Variants in NTPCR observed in about 807,000 individuals in gnomAD.
NTPCR encodes the protein cancer-related nucleoside-triphosphatase.
In NTPCR, 15 loss-of-function variants were observed where a neutral mutation model predicts 19.5. The ratio of observed to expected loss-of-function variants is 0.77; its 90% CI spans 0.51 to 1.18. The LOEUF (loss-of-function observed/expected upper bound fraction) is 1.18. Ranked by LOEUF, NTPCR falls within the 50% of genes most tolerant of loss-of-function variation. The probability of loss-of-function intolerance (pLI) is 0.00; values close to 1 mark genes in which losing one functional copy is unlikely to be tolerated. For missense variants in NTPCR, 206 were observed against 240.4 expected (o/e 0.86, Z 0.95); for synonymous variants, 90 against 95.8 (o/e 0.94, Z 0.36).
At chr1:232,961,188 A>C (rs1396496272) in intron 3 of NTPCR, among the ~76,000 whole-genome samples, 2 of 152,200 alleles carry the variant, frequency 1.3e-5, no homozygotes, top group East Asian at 3.8e-4. Context: ...AGTGTTGAGC[A>C]TTCAGGTTCC....
rs1669323839 is a variant in NTPCR at position 232,983,103 on chromosome 1, C to G, written c.*4872C>G. ...AAAATTAGAAAAGCATTACCATTTA[C>G]TTTCCAAGGGGCAAGAGATTCTCTA... On this transcript the variant is annotated 3_prime_UTR_variant, in exon 5 of 5. Transcript: ENST00000366628. 1 of 152,170 alleles carries G rather than the reference C, an allele frequency of 6.6e-6. No individual in the cohort carries two copies. Among genetic ancestry groups the G allele is most frequent in the Non-Finnish European group, 1.5e-5 (1 of 68,022 alleles). The allele number at this position is 152,170 out of a possible 1,614,324, so 9.4% of individuals were successfully genotyped here. A position where few individuals can be genotyped will look rare whatever the true frequency, so the allele number is the denominator to read the frequency against.
chr1:232,978,439 T>C lies in NTPCR; in HGVS notation c.*208T>C, dbSNP rs771876618. 14 of 497,240 alleles carry C rather than the reference T, an allele frequency of 2.8e-5. No homozygotes were observed. Among genetic ancestry groups the C allele is most frequent in the Non-Finnish European group, 4.7e-5 (13 of 279,222 alleles). The allele number at this position is 497,240 out of a possible 1,614,324, so 30.8% of individuals were successfully genotyped here. ...TCTGTACAAGATTAACTATCCATTG[T>C]GGCTTATCTATGCTTAAAGATTTCT... On this transcript the variant is annotated 3_prime_UTR_variant, in exon 5 of 5. Transcript: ENST00000366628.
At position 232,979,214 on chromosome 1, in the gene NTPCR, A is replaced by G. The variant is rs1669225137; in HGVS notation, c.*983A>G. The G allele has an allele frequency of 6.6e-6, 1 of 152,214 alleles. No homozygotes were observed. The highest frequency in any genetic ancestry group is 2.1e-4 in the South Asian group (1 of 4,836). The allele number at this position is 152,214 out of a possible 1,614,324, so 9.4% of individuals were successfully genotyped here. A position where few individuals can be genotyped will look rare whatever the true frequency, so the allele number is the denominator to read the frequency against. On this transcript the variant is annotated 3_prime_UTR_variant, in exon 5 of 5. Transcript: ENST00000366628. The surrounding 1 kb of genome is among the most constrained non-coding windows in gnomAD (Gnocchi z 5.3). ...AACTTCCCTCCAAGTGGTAGATGGT[A>G]CTGGAGTGATAAACAGTTCAGTGTT...
intron 3 of NTPCR, chr1:232,963,145 C>T (rs1484159426): frequency 6.6e-6 from 1 of 152,136 alleles, no homozygotes; most frequent in Admixed American, 6.5e-5. Context: ...GCAGGATCAG[C>T]CAGGGAAATT....
At position 232,981,610 on chromosome 1, in the gene NTPCR, GAATC is replaced by G. The variant is rs1196353113; in HGVS notation, c.*3383_*3386del. On this transcript the variant is annotated 3_prime_UTR_variant, in exon 5 of 5. Coordinates refer to ENST00000366628, the MANE Select transcript of NTPCR (RefSeq NM_032324.3). Reference sequence around the variant, plus strand: ...TGATTTCAACACACTGCAAAATTTAGAATCAATAATGCCAAATTGGCCACATGAT... The same window carrying G: ...TGATTTCAACACACTGCAAAATTTAGAATAATGCCAAATTGGCCACATGAT... 6.6e-6 allele frequency: 1 copy of G among 151,672 alleles called. No individual in the cohort carries two copies. Among genetic ancestry groups the G allele is most frequent in the African/African-American group, 2.4e-5 (1 of 41,246 alleles). The allele number at this position is 151,672 out of a possible 1,614,324, so 9.4% of individuals were successfully genotyped here. A position where few individuals can be genotyped will look rare whatever the true frequency, so the allele number is the denominator to read the frequency against.
At chr1:232,978,122 G>T (rs775172381) in intron 4 of NTPCR, 41 bp from the exon 5 acceptor site, 1 of 1,529,844 alleles carries the variant, frequency 6.5e-7, no homozygotes, top group Admixed American at 1.7e-5. Flanking sequence ...TGAAGAAGAG[G>T]AAAGGAGCTC....
intron 3 of NTPCR, chr1:232,967,053 T>G (rs1045649540): frequency 6.6e-6 from 1 of 152,216 alleles, no homozygotes; most frequent in Non-Finnish European, 1.5e-5. Context: ...CACTGGGGGT[T>G]GGGGAGGGGT....
At chr1:232,970,184 C>G in intron 4 of NTPCR, 66 bp downstream of exon 4, 1 of 1,274,322 alleles carries the variant, frequency 7.8e-7, no homozygotes, top group Non-Finnish European at 1.1e-6. Context: ...GCAGATGGCT[C>G]TAAAATATCT....
At chr1:232,960,213 CAAAAAAAAAAA>C (rs755184503) in intron 3 of NTPCR, among the ~76,000 whole-genome samples, 2 of 27,488 alleles carry the variant, frequency 7.3e-5, no homozygotes, top group African/African-American at 1.4e-4. Flanking sequence ...GACTCCATCT[CAAAAAAAAAAA>C]AAAAAAAAAA....
chr1:232,964,717 A>G (rs1273046865), intron 3 of NTPCR: 1 of 152,150 alleles, frequency 6.6e-6, no homozygotes, highest in Admixed American at 6.6e-5. Context: ...GCTTCTCTCT[A>G]TTTGTATCCG....
intron 4 of NTPCR, 85 bp from the exon 5 acceptor site, chr1:232,978,077 AG>A: frequency 8.7e-7 from 1 of 1,151,130 alleles, no homozygotes. Flanking sequence ...CCAGCCTTCC[AG>A]GCGTTTCTTT....
chr1:232,970,733 A>T (rs1439103260), intron 4 of NTPCR, among the ~76,000 whole-genome samples: 1 of 152,264 alleles, frequency 6.6e-6, no homozygotes, highest in Non-Finnish European at 1.5e-5. Flanking sequence ...TCACATAAAT[A>T]ATCAAATTTA....
At position 232,981,190 on chromosome 1, in the gene NTPCR, A is replaced by G. The variant is rs1669271363; in HGVS notation, c.*2959A>G. On this transcript the variant is annotated 3_prime_UTR_variant, in exon 5 of 5. Coordinates refer to ENST00000366628, the MANE Select transcript of NTPCR (RefSeq NM_032324.3). ...TTCTTACCTCTCAGTGAGGGTAAGC[A>G]CATGCAGGGAGATGGGTGAGTCTTT... The G allele has an allele frequency of 6.6e-6, 1 of 152,216 alleles. No individual in the cohort carries two copies. Among genetic ancestry groups the G allele is most frequent in the South Asian group, 2.1e-4 (1 of 4,824 alleles). 9.4% of individuals were successfully genotyped at this position (152,216 alleles called of 1,614,324 possible).
At chr1:232,956,542 C>A in intron 3 of NTPCR, 99 bp downstream of exon 3, 1 of 771,298 alleles carries the variant, frequency 1.3e-6, no homozygotes, top group Non-Finnish European at 2.3e-6. Context: ...TTAAAGGCCC[C>A]AGTTTTGCAT....
rs186811911 is a variant in NTPCR at position 232,983,028 on chromosome 1, A to G, written c.*4797A>G. ...AAATAAGAACCTTCTGTCTGTGATTATAGAGTACACTTGCTTTTATTAATT... is the reference window on the plus strand; with the variant it reads ...AAATAAGAACCTTCTGTCTGTGATTGTAGAGTACACTTGCTTTTATTAATT... On this transcript the variant is annotated 3_prime_UTR_variant, in exon 5 of 5. Coordinates refer to ENST00000366628, the MANE Select transcript of NTPCR (RefSeq NM_032324.3). The G allele has an allele frequency of 1.3e-5, 2 of 152,336 alleles. No individual in the cohort carries two copies. The highest frequency in any genetic ancestry group is 6.5e-5 in the Admixed American group (1 of 15,310). 9.4% of individuals were successfully genotyped at this position (152,336 alleles called of 1,614,324 possible).
chr1:232,962,238 A>C (rs1668685925), intron 3 of NTPCR: 1 of 152,176 alleles, frequency 6.6e-6, no homozygotes, highest in South Asian at 2.1e-4. Context: ...TCAAGACTTT[A>C]CTATCCATTA....
Position 232,981,499 on chromosome 1 carries a change from T to C in NTPCR, c.*3268T>C, listed in dbSNP as rs1571973840. ...CATGGTAGATGAGGCTGGAGACGGG[T>C]GGGCTAAGTAAACAGGCATTGCATT... On this transcript the variant is annotated 3_prime_UTR_variant, in exon 5 of 5. Transcript: ENST00000366628. 1 of 152,090 alleles carries C rather than the reference T, an allele frequency of 6.6e-6. No homozygotes were observed. The allele number at this position is 152,090 out of a possible 1,614,324, so 9.4% of individuals were successfully genotyped here.
At chr1:232,956,510 G>A in intron 3 of NTPCR, 67 bp downstream of exon 3, 3 of 1,130,342 alleles carry the variant, frequency 2.7e-6, no homozygotes, top group Non-Finnish European at 4.0e-6. Flanking sequence ...TGCTAGCCAT[G>A]GAAACAGAAT....
intron 4 of NTPCR, among the ~76,000 whole-genome samples, chr1:232,974,851 A>G (rs1571969108): frequency 6.6e-6 from 1 of 152,062 alleles, no homozygotes; most frequent in Non-Finnish European, 1.5e-5. Flanking sequence ...TGACCTAATC[A>G]CCTCTTAAAG....
Sources: allele counts gnomAD v4.1 joint callset (sites outside exome capture counted in the v4.1 genomes callset), GRCh38; gene constraint gnomAD v4.1.1; non-coding constraint Gnocchi (gnomAD v3.1); transcripts MANE v1.5; gene names NCBI Gene and HGNC (gene_info 2026-07-23, HGNC 2026-07-21).